Variants in BIRC6 observed in about 807,000 individuals in gnomAD.
BIRC6 encodes the protein dual E2 ubiquitin-conjugating enzyme/E3 ubiquitin-protein ligase BIRC6.
In BIRC6, 98 loss-of-function variants were observed where a neutral mutation model predicts 503.3. The observed-to-expected ratio is 0.19, with a 90% CI of 0.17 to 0.23. The LOEUF (loss-of-function observed/expected upper bound fraction) is 0.23. Among genes scored for constraint, BIRC6 ranks in the 10% least tolerant of loss-of-function variants. BIRC6 has a pLI of 1.00. For missense variants in BIRC6, 5,360 were observed against 5,806.0 expected (o/e 0.92, Z 2.50); for synonymous variants, 2,240 against 2,078.7 (o/e 1.08, Z -2.11).
At position 32,511,476 on chromosome 2, in the gene BIRC6, ATTTTTT is replaced by A. The variant is rs1166383796; in HGVS notation, c.10346+864_10346+869del. 8.7e-3 allele frequency among the ~76,000 whole-genome samples: 701 copies of A among 80,124 alleles called. 7 individuals carry two copies. The highest frequency in any genetic ancestry group is 0.016 in the Middle Eastern group (2 of 126). The allele number at this position is 80,124 out of a possible 152,430, so 52.6% of individuals were successfully genotyped here. The stretch of plus-strand genomic sequence containing the variant: ...AGGCGACCACCACTATAACTGACTA[ATTTTTT>A]TTTTTTTTTTTTTTTTTTTTTGTAT... On this transcript the variant is annotated intron_variant, in intron 53 of 73. Transcript: ENST00000421745.
intron 1 of BIRC6, among the ~76,000 whole-genome samples, chr2:32,371,055 A>T (rs2035861060): frequency 6.6e-6 from 1 of 151,906 alleles, no homozygotes; most frequent in African/African-American, 2.4e-5. Flanking sequence ...TCTACAAAAA[A>T]TACAGAAATT....
At chr2:32,535,329 T>C (rs749411391) in intron 61 of BIRC6, among the ~76,000 whole-genome samples, 10 of 152,132 alleles carry the variant, frequency 6.6e-5, no homozygotes, top group Non-Finnish European at 1.0e-4. Context: ...TAAATTATAC[T>C]TTTAGGGTAC....
In BIRC6 at chr2:32,380,189, G is replaced by C; in HGVS notation, c.544G>C (p.Asp182His). The change falls in exon 3 of 74, where the codon GAT becomes CAT. Residue 182 changes from aspartate (D) to histidine (H), a missense_variant. This residue lies in a region of BIRC6 where 134 missense variants were observed against 150.9 expected (regional missense o/e 0.89). Transcript: ENST00000421745. ...QLLSACLEKV[D>H]ISSTEGYDLF... ...CTTATCAGCATGTTTAGAAAAGGTA[G>C]ATATTTCTAGTACAGAGGGTTATGA... 6.3e-7 allele frequency: 1 copy of C among 1,584,612 alleles called. No homozygotes were observed.
intron 23 of BIRC6, among the ~76,000 whole-genome samples, chr2:32,461,758 C>G (rs1001159733): frequency 3.3e-5 from 5 of 152,074 alleles, no homozygotes; most frequent in Non-Finnish European, 7.4e-5. Context: ...TGGATTTTCC[C>G]CTTTATCCAC....
At chr2:32,389,397 T>C (rs1434303416) in intron 4 of BIRC6, among the ~76,000 whole-genome samples, 1 of 151,608 alleles carries the variant, frequency 6.6e-6, no homozygotes, top group African/African-American at 2.4e-5. Flanking sequence ...AAAAGACCAG[T>C]TTAAAAAATA....
At chr2:32,560,086 A>T (rs1374237530) in intron 65 of BIRC6, among the ~76,000 whole-genome samples, 1 of 152,234 alleles carries the variant, frequency 6.6e-6, no homozygotes, top group Non-Finnish European at 1.5e-5. Flanking sequence ...ACATAGGCAT[A>T]GATTGTCATA....
chr2:32,448,941 T>C lies in BIRC6; in HGVS notation c.4618+13T>C. The C allele has an allele frequency of 6.2e-7, 1 of 1,603,600 alleles. No individual in the cohort carries two copies. The highest frequency in any genetic ancestry group is 8.5e-7 in the Non-Finnish European group (1 of 1,175,658). ...GATGTCCTTTCAGGTAGTGATTTCTTTTATTAAAGGAAATTCTGAATGTTG... is the reference window on the plus strand; with the variant it reads ...GATGTCCTTTCAGGTAGTGATTTCTCTTATTAAAGGAAATTCTGAATGTTG... On this transcript the variant is annotated intron_variant, in intron 22 of 73. Coordinates refer to ENST00000421745, the MANE Select transcript of BIRC6 (RefSeq NM_016252.4).
chr2:32,493,442 G>C, intron 44 of BIRC6, 98 bp from the exon 45 acceptor site: 1 of 1,181,788 alleles, frequency 8.5e-7, no homozygotes, highest in Non-Finnish European at 1.2e-6. Context: ...AAAAGTTACA[G>C]TGTATAGCTT....
chr2:32,609,744 T>C (rs1296500410), intron 72 of BIRC6, among the ~76,000 whole-genome samples: 1 of 121,288 alleles, frequency 8.2e-6, no homozygotes, highest in Non-Finnish European at 1.7e-5. Context: ...GGTGAGACTC[T>C]GTCTCAAAAA....
At position 32,364,709 on chromosome 2, in the gene BIRC6, A is replaced by T. The variant is rs138224037; in HGVS notation, c.325+7223A>T. ...AAATTTGTATGTGGTCATAAATAAG[A>T]GGAAGATCTTTGTACTTTACTGTAG... On this transcript the variant is annotated intron_variant, in intron 1 of 73. Transcript: ENST00000421745. Among the ~76,000 whole-genome samples, 590 of 151,400 alleles carry T rather than the reference A, an allele frequency of 3.9e-3. 8 individuals carry two copies. The highest frequency in any genetic ancestry group is 0.013 in the African/African-American group (538 of 41,280).
chr2:32,506,020 G>A (rs1238387991), intron 50 of BIRC6, among the ~76,000 whole-genome samples: 2 of 151,860 alleles, frequency 1.3e-5, no homozygotes, highest in African/African-American at 4.8e-5. Flanking sequence ...CTAAATTTTT[G>A]TATTTTTTTG....
intron 6 of BIRC6, among the ~76,000 whole-genome samples, chr2:32,398,741 A>C (rs1477099584): frequency 6.6e-6 from 1 of 152,200 alleles, no homozygotes; most frequent in African/African-American, 2.4e-5. Flanking sequence ...CGTGTAACTT[A>C]TATAAATAAA....
At chr2:32,396,136 G>T (rs796646961) in intron 6 of BIRC6, among the ~76,000 whole-genome samples, 6 of 152,152 alleles carry the variant, frequency 3.9e-5, no homozygotes, top group African/African-American at 1.4e-4. Flanking sequence ...ATATAAGATG[G>T]TATACTAGGT....
intron 61 of BIRC6, among the ~76,000 whole-genome samples, chr2:32,535,891 A>C (rs1572875339): frequency 6.6e-6 from 1 of 152,378 alleles, no homozygotes; most frequent in South Asian, 2.1e-4. Flanking sequence ...ACTGACTTCC[A>C]CAATGGTTGA....
At chr2:32,510,021 G>A in intron 52 of BIRC6, 27 bp downstream of exon 52, 4 of 1,608,550 alleles carry the variant, frequency 2.5e-6, no homozygotes, top group Non-Finnish European at 3.4e-6. Flanking sequence ...ATATTTAAAT[G>A]TTTACATATC....
intron 1 of BIRC6, among the ~76,000 whole-genome samples, chr2:32,377,278 G>C (rs2036945904): frequency 1.3e-5 from 2 of 151,354 alleles, no homozygotes; most frequent in East Asian, 1.9e-4. Context: ...TTCTACTTGA[G>C]AGTTGGTTGC....
intron 69 of BIRC6, among the ~76,000 whole-genome samples, chr2:32,599,021 CAAAAAAAAAA>C (rs35744882): frequency 2.2e-4 from 6 of 27,816 alleles, no homozygotes; most frequent in African/African-American, 9.2e-4. Context: ...AACTCCATCT[CAAAAAAAAAA>C]AAAAAAAAAA....
At chr2:32,441,505 G>A in intron 17 of BIRC6, 43 bp downstream of exon 17, 2 of 1,565,502 alleles carry the variant, frequency 1.3e-6, no homozygotes, top group Non-Finnish European at 8.7e-7. Flanking sequence ...AGTAATGAAA[G>A]TGCAGAGCAT....
chr2:32,615,342 T>C (rs1017012195), intron 73 of BIRC6, among the ~76,000 whole-genome samples: 3 of 152,212 alleles, frequency 2.0e-5, no homozygotes, highest in African/African-American at 7.2e-5. Flanking sequence ...TCACCTGTTG[T>C]CCACAGTGGA....
Sources: allele counts gnomAD v4.1 joint callset (sites outside exome capture counted in the v4.1 genomes callset), GRCh38; gene constraint gnomAD v4.1.1; regional missense constraint gnomAD v4.1.1; transcripts MANE v1.5; gene names NCBI Gene and HGNC (gene_info 2026-07-23, HGNC 2026-07-21).